Variants in LMF1 observed in about 807,000 individuals in gnomAD.
LMF1 encodes lipase maturation factor 1.
A neutral mutation model predicts 60.6 loss-of-function variants in LMF1; 68 were observed. The observed-to-expected ratio is 1.12, with a 90% CI of 0.92 to 1.37. The LOEUF (loss-of-function observed/expected upper bound fraction) is 1.37. Ranked by LOEUF, LMF1 falls within the 40% of genes most tolerant of loss-of-function variation. The probability of loss-of-function intolerance (pLI) is 0.00; values close to 1 mark genes in which losing one functional copy is unlikely to be tolerated. For missense variants in LMF1, 948 were observed against 767.2 expected (o/e 1.24, Z -2.78); for synonymous variants, 418 against 324.7 (o/e 1.29, Z -3.09).
chr16:967,966 G>A (rs2072959946), intron 1 of LMF1, among the ~76,000 whole-genome samples: 1 of 152,240 alleles, frequency 6.6e-6, no homozygotes, highest in African/African-American at 2.4e-5. Flanking sequence ...CAGGAAGACA[G>A]GTGTGTCTTC....
upstream of LMF1, among the ~76,000 whole-genome samples, chr16:974,326 C>T (rs919109298): frequency 1.3e-5 from 2 of 152,148 alleles, no homozygotes; most frequent in South Asian, 2.1e-4. Context: ...ACCACAGGCA[C>T]GTGGGCCCTG....
chr16:925,400 T>C (rs2071565075), intron 3 of LMF1, among the ~76,000 whole-genome samples: 1 of 152,194 alleles, frequency 6.6e-6, no homozygotes, highest in Admixed American at 6.5e-5. Context: ...AAAATGTTAA[T>C]GATCGTGTGA....
At chr16:898,589 G>A (rs1034075564) in intron 4 of LMF1, among the ~76,000 whole-genome samples, 3 of 152,232 alleles carry the variant, frequency 2.0e-5, no homozygotes, top group African/African-American at 7.2e-5. Context: ...AGGATTTGGG[G>A]CACATGCTGT....
chr16:969,366 G>A (rs2151495910), intron 1 of LMF1, among the ~76,000 whole-genome samples: 1 of 152,206 alleles, frequency 6.6e-6, no homozygotes, highest in Non-Finnish European at 1.5e-5. Flanking sequence ...AAGAGAGAGA[G>A]AGACACAGAC....
upstream of LMF1, among the ~76,000 whole-genome samples, chr16:974,001 C>G (rs1461361438): frequency 2.1e-5 from 3 of 145,586 alleles, no homozygotes; most frequent in Non-Finnish European, 4.5e-5. Flanking sequence ...CAGAGCGAGA[C>G]TCTGTCTCAA....
chr16:977,693 C>T (rs767271820), intron 1 of LMF1, among the ~76,000 whole-genome samples: 22 of 86,254 alleles, frequency 2.6e-4, no homozygotes, highest in African/African-American at 5.1e-4. Flanking sequence ...TGGAGGGGGA[C>T]GGGGAGGACG....
At chr16:981,348 G>GAGAGAGAGAGAA (rs1567354323), upstream of LMF1, 1 of 82,880 alleles carries the variant, frequency 1.2e-5, no homozygotes, top group Non-Finnish European at 2.4e-5. Flanking sequence ...GAGAGAGAGA[G>GAGAGAGAGAGAA]TGTGTGTGTG....
intron 2 of LMF1, among the ~76,000 whole-genome samples, chr16:936,744 TA>T (rs2071958816): frequency 6.6e-6 from 1 of 152,232 alleles, no homozygotes; most frequent in Non-Finnish European, 1.5e-5. Flanking sequence ...TCCCAATATA[TA>T]ACCTTAGTTG....
intron 2 of LMF1, among the ~76,000 whole-genome samples, chr16:949,515 C>CAGAGTCAGCCAACGAA: frequency 7.0e-6 from 1 of 143,386 alleles, no homozygotes; most frequent in Non-Finnish European, 1.5e-5. Flanking sequence ...GAGACAATGA[C>CAGAGTCAGCCAACGAA]AGAGTCAGCC....
intron 1 of LMF1, chr16:980,701 G>GA (rs397780945): frequency 6.6e-6 from 1 of 152,070 alleles, no homozygotes; most frequent in Non-Finnish European, 1.5e-5. Flanking sequence ...ACCTCGCGGG[G>GA]CGGCCTTGGG....
At chr16:856,355 A>C (rs1313024771) in intron 10 of LMF1, among the ~76,000 whole-genome samples, 2 of 152,194 alleles carry the variant, frequency 1.3e-5, no homozygotes, top group East Asian at 3.9e-4. Flanking sequence ...TCAGCAGCAG[A>C]CTGAAGGGAC....
intron 2 of LMF1, among the ~76,000 whole-genome samples, chr16:946,709 C>G (rs1197298918): frequency 1.3e-5 from 2 of 152,242 alleles, no homozygotes; most frequent in African/African-American, 4.8e-5. Context: ...TCAAGCCAAA[C>G]AACATGGGCT....
intron 2 of LMF1, among the ~76,000 whole-genome samples, chr16:941,250 G>A (rs183665907): frequency 2.0e-4 from 29 of 144,942 alleles, no homozygotes; most frequent in Middle Eastern, 3.6e-3. Context: ...TTTTTTTTGC[G>A]ACAGAGTCTC....
intron 2 of LMF1, 134 bp downstream of exon 2, chr16:954,222 GT>G: frequency 1.0e-6 from 1 of 988,168 alleles, no homozygotes. Flanking sequence ...CATGGCCTAA[GT>G]AAAATGACAA....
chr16:854,243 G>T lies in LMF1; in HGVS notation c.*289C>A. On this transcript the variant is annotated 3_prime_UTR_variant, in exon 11 of 11. Transcript: ENST00000262301. ...TGTCTCAACTCCTGTGGGCGGCACA[G>T]CCCCAGGCTGGGCCTCTGGGAGGAG... 2 of 629,324 alleles carry T rather than the reference G, an allele frequency of 3.2e-6. No individual in the cohort carries two copies. Among genetic ancestry groups the T allele is most frequent in the East Asian group, 6.5e-5 (2 of 30,960 alleles). The allele number at this position is 629,324 out of a possible 1,614,324, so 39.0% of individuals were successfully genotyped here.
intron 10 of LMF1, among the ~76,000 whole-genome samples, chr16:867,274 T>C (rs2069635448): frequency 6.6e-6 from 1 of 152,242 alleles, no homozygotes; most frequent in African/African-American, 2.4e-5. Flanking sequence ...TTGGGACTCA[T>C]GGATGGACCT....
intron 10 of LMF1, among the ~76,000 whole-genome samples, chr16:858,471 GC>G (rs1402011063): frequency 7.0e-5 from 3 of 42,864 alleles, no homozygotes; most frequent in Non-Finnish European, 1.2e-4. Context: ...GGACGGGTGT[GC>G]AGTGGTGACT....
At chr16:860,206 T>G (rs1336668575) in intron 10 of LMF1, among the ~76,000 whole-genome samples, 1 of 58 alleles carries the variant, frequency 0.017, no homozygotes, top group Non-Finnish European at 0.033. Flanking sequence ...CTTTGTTCTC[T>G]TAACAGGTCT....
chr16:954,716 T>G, intron 1 of LMF1, 50 bp from the exon 2 acceptor site: 11 of 1,509,796 alleles, frequency 7.3e-6, no homozygotes, highest in Non-Finnish European at 9.8e-6. Flanking sequence ...AAACCACATG[T>G]GGACACCATG....
Sources: gnomAD v4.1 joint callset for allele counts (sites outside exome capture counted in the v4.1 genomes callset) on GRCh38, gnomAD v4.1.1 for gene constraint, MANE v1.5 for transcripts, NCBI Gene and HGNC (gene_info 2026-07-23, HGNC 2026-07-21) for gene names.